BTBD7: variants seen among roughly 807,000 people sequenced by gnomAD.
BTBD7 encodes BTB/POZ domain-containing protein 7.
In BTBD7, 38 loss-of-function variants were observed where a neutral mutation model predicts 99.9. The ratio of observed to expected loss-of-function variants is 0.38; its 90% CI spans 0.29 to 0.50. The LOEUF is 0.50. BTBD7 is among the 20% of genes least tolerant of loss of function. The pLI is 0.93. For synonymous variants in BTBD7, 520 were observed against 511.4 expected (o/e 1.02, Z -0.23); for missense variants, 1,170 against 1,394.6 (o/e 0.84, Z 2.57).
chr14:93,263,628 T>C (rs754964306), intron 4 of BTBD7, among the ~76,000 whole-genome samples, 157 bp downstream of exon 4: 7 of 152,172 alleles, frequency 4.6e-5, no homozygotes, highest in Non-Finnish European at 1.0e-4. Flanking sequence ...GCCAGAAGGC[T>C]TTTGTTGTAC....
intron 5 of BTBD7, among the ~76,000 whole-genome samples, chr14:93,261,126 G>C (rs969651501): frequency 6.6e-6 from 1 of 152,096 alleles, no homozygotes; most frequent in African/African-American, 2.4e-5. Flanking sequence ...CCTGACCTCA[G>C]GTCAGCCTGT....
chr14:93,301,939 C>T (rs75146239), intron 1 of BTBD7, among the ~76,000 whole-genome samples: 6,300 of 152,148 alleles, frequency 0.041, 440 homozygotes, highest in African/African-American at 0.14. Context: ...CTGAAAAGAG[C>T]CAGTAAAGAT....
At chr14:93,274,106 G>C (rs913746507) in intron 3 of BTBD7, among the ~76,000 whole-genome samples, 1 of 152,224 alleles carries the variant, frequency 6.6e-6, no homozygotes. Context: ...ACACCTAGTA[G>C]GCTGCCTAGG....
chr14:93,288,521 C>T (rs574414789), intron 3 of BTBD7: 42 of 777,068 alleles, frequency 5.4e-5, no homozygotes, highest in Middle Eastern at 2.2e-4. Flanking sequence ...CTGAAGTTTT[C>T]TTCTGCTCCC....
chr14:93,271,346 T>C (rs764442801), intron 3 of BTBD7, among the ~76,000 whole-genome samples: 4 of 152,076 alleles, frequency 2.6e-5, no homozygotes, highest in Non-Finnish European at 4.4e-5. Flanking sequence ...AGATTCATAT[T>C]GAGGTCGGGG....
At chr14:93,277,785 G>A (rs139256512) in intron 3 of BTBD7, among the ~76,000 whole-genome samples, 5 of 152,254 alleles carry the variant, frequency 3.3e-5, no homozygotes, top group South Asian at 2.1e-4. Flanking sequence ...CAGGATTTGC[G>A]GGATGTGCAA....
intron 3 of BTBD7, among the ~76,000 whole-genome samples, chr14:93,266,782 G>T (rs2052547657): frequency 6.6e-6 from 1 of 152,194 alleles, no homozygotes; most frequent in African/African-American, 2.4e-5. Flanking sequence ...GCAAATAAAA[G>T]ATGTCTTTAT....
intron 1 of BTBD7, among the ~76,000 whole-genome samples, chr14:93,299,701 C>T (rs2139779050): frequency 6.6e-6 from 1 of 152,220 alleles, no homozygotes; most frequent in South Asian, 2.1e-4. Context: ...GCAAGAAAGA[C>T]TAAACAACCC....
intron 1 of BTBD7, among the ~76,000 whole-genome samples, chr14:93,329,163 A>G (rs1044884918): frequency 4.0e-5 from 6 of 151,772 alleles, no homozygotes; most frequent in African/African-American, 1.5e-4. Context: ...ATACATAAGT[A>G]ACTTCCACAC....
chr14:93,257,001 C>G (rs1566838251), intron 6 of BTBD7, 194 bp downstream of exon 6: 1 of 551,588 alleles, frequency 1.8e-6, no homozygotes, highest in East Asian at 3.0e-5. Flanking sequence ...AACTCTCATT[C>G]ACTGAACATT....
Position 93,293,444 on chromosome 14 carries a change from A to T in BTBD7, c.1162+414T>A, listed in dbSNP as rs532417735. Among the ~76,000 whole-genome samples the T allele has an allele frequency of 7.2e-5, 11 of 152,304 alleles. No individual in the cohort carries two copies. The South Asian group carries it at 2.3e-3, about 32-fold the overall frequency. ...TTCGTATCTAAATGTGACTATCTTC[A>T]TTTTTGTAATGAATTTTTATTCTTA... On this transcript the variant is annotated intron_variant, in intron 3 of 10. Transcript: ENST00000334746.
At chr14:93,299,893 A>G (rs1435052621) in intron 1 of BTBD7, among the ~76,000 whole-genome samples, 1 of 152,192 alleles carries the variant, frequency 6.6e-6, no homozygotes, top group Non-Finnish European at 1.5e-5. Context: ...GCACCTTTAA[A>G]GTGCTGAGGT....
intron 5 of BTBD7, among the ~76,000 whole-genome samples, chr14:93,258,565 G>C (rs935087793): frequency 1.3e-5 from 2 of 151,906 alleles, no homozygotes; most frequent in Non-Finnish European, 2.9e-5. Flanking sequence ...ACCCAGTGTG[G>C]AAACTACCTT....
At chr14:93,264,086 G>T in intron 3 of BTBD7, 93 bp from the exon 4 acceptor site, 1 of 1,131,756 alleles carries the variant, frequency 8.8e-7, no homozygotes, top group Non-Finnish European at 1.3e-6. Context: ...AGTCACAATA[G>T]CAAAAAAGAA....
intron 3 of BTBD7, among the ~76,000 whole-genome samples, chr14:93,277,006 A>G (rs748548898): frequency 6.9e-6 from 1 of 145,604 alleles, no homozygotes; most frequent in Non-Finnish European, 1.5e-5. Context: ...GGTTCAAGCA[A>G]TTCTCTGATC....
rs377465123 is a variant in BTBD7 at position 93,310,762 on chromosome 14, C to T, written c.-106-14605G>A. Among the ~76,000 whole-genome samples the T allele has an allele frequency of 8.4e-3, 1,238 of 147,336 alleles. 8 individuals are homozygous for T. The highest frequency in any genetic ancestry group is 0.017 in the Middle Eastern group (5 of 292). Reference sequence around the variant, plus strand: ...TTCCAAAAACAAACAAACAAAAAAACCAAAAAACTTTTTTTTTTTTTTTTT... The same window carrying T: ...TTCCAAAAACAAACAAACAAAAAAATCAAAAAACTTTTTTTTTTTTTTTTT... On this transcript the variant is annotated intron_variant, in intron 1 of 10. Transcript: ENST00000334746.
In BTBD7 at chr14:93,275,614, A is replaced by G. The variant is rs1185572442; in HGVS notation, c.1163-11621T>C. Reference sequence around the variant, plus strand: ...ATTGTGCGAACATCAGAGTGTACGTACACAAACCTAGATGGTTTAAGGCCT... The same window carrying G: ...ATTGTGCGAACATCAGAGTGTACGTGCACAAACCTAGATGGTTTAAGGCCT... On this transcript the variant is annotated intron_variant, in intron 3 of 10. Coordinates refer to ENST00000334746, the MANE Select transcript of BTBD7 (RefSeq NM_001002860.4). Among the ~76,000 whole-genome samples, 5 of 152,212 alleles carry G rather than the reference A, an allele frequency of 3.3e-5. No individual in the cohort carries two copies. The East Asian group carries it at 9.6e-4, about 29-fold the overall frequency.
intron 1 of BTBD7, among the ~76,000 whole-genome samples, chr14:93,297,085 G>C (rs1035931164): frequency 6.6e-6 from 1 of 152,114 alleles, no homozygotes; most frequent in Admixed American, 6.6e-5. Flanking sequence ...TCTATTATTG[G>C]AATTGTTAAG....
chr14:93,261,710 T>C (rs1210485459), intron 4 of BTBD7, 33 bp from the exon 5 acceptor site: 1 of 1,488,620 alleles, frequency 6.7e-7, no homozygotes, highest in Non-Finnish European at 9.3e-7. Context: ...TTTATTTTAG[T>C]GAAATTAGAT....
Sources: gnomAD v4.1 joint callset for allele counts (sites outside exome capture counted in the v4.1 genomes callset) on GRCh38, gnomAD v4.1.1 for gene constraint, MANE v1.5 for transcripts, NCBI Gene and HGNC (gene_info 2026-07-23, HGNC 2026-07-21) for gene names.